The following GALNT13 variants were observed in gnomAD, a reference collection of about 807,000 sequenced individuals.
GALNT13 encodes the protein polypeptide N-acetylgalactosaminyltransferase 13.
In GALNT13, 28 loss-of-function variants were observed where a neutral mutation model predicts 64.2. The ratio of observed to expected loss-of-function variants is 0.44; its 90% confidence interval spans 0.32 to 0.60. GALNT13 has a LOEUF of 0.60. GALNT13 is among the 20% of genes least tolerant of loss of function. GALNT13 has a pLI of 0.05. For synonymous variants in GALNT13, 214 were observed against 224.6 expected, an observed-to-expected ratio of 0.95 and a Z score of 0.42; for missense variants, 577 against 669.8, an observed-to-expected ratio of 0.86 and a Z score of 1.53.
the GALNT13 span, among the ~76,000 whole-genome samples, chr2:153,682,295 G>A: frequency 4.0e-5 from 6 of 151,372 alleles, no homozygotes; most frequent in South Asian, 4.1e-4. Context: ...TGCTGATTTC[G>A]ATTACCCAGA....
chr2:153,490,197 T>A, the GALNT13 span, among the ~76,000 whole-genome samples: 15,716 of 152,232 alleles, frequency 0.1, 904 homozygotes, highest in South Asian at 0.15. Flanking sequence ...TGGATAATAT[T>A]CTAATGGTAT....
chr2:153,622,826 A>G, the GALNT13 span, among the ~76,000 whole-genome samples: 1 of 152,120 alleles, frequency 6.6e-6, no homozygotes, highest in Non-Finnish European at 1.5e-5. Flanking sequence ...TATTGCCAAT[A>G]TTATGATTAC....
the GALNT13 span, among the ~76,000 whole-genome samples, chr2:153,644,806 G>A: frequency 6.6e-6 from 1 of 151,994 alleles, no homozygotes; most frequent in African/African-American, 2.4e-5. Context: ...AGATAGGTCC[G>A]AGCCAATGAT....
At chr2:154,338,593 G>A (rs935923236) in intron 9 of GALNT13, among the ~76,000 whole-genome samples, 5 of 152,090 alleles carry the variant, frequency 3.3e-5, no homozygotes, top group African/African-American at 1.2e-4. Flanking sequence ...TCAGTCAGGA[G>A]GCAGAGGGAG....
At chr2:154,114,477 G>C (rs574743888) in intron 3 of GALNT13, among the ~76,000 whole-genome samples, 2 of 152,310 alleles carry the variant, frequency 1.3e-5, no homozygotes, top group South Asian at 2.1e-4. Flanking sequence ...CTCAGAGCCA[G>C]TGTCCAGTAG....
the GALNT13 span, among the ~76,000 whole-genome samples, chr2:153,840,614 AT>A: frequency 2.6e-5 from 4 of 152,198 alleles, no homozygotes; most frequent in Non-Finnish European, 4.4e-5. Context: ...GAAATGCATT[AT>A]AAAGGCAGAG....
chr2:153,293,198 G>A, the GALNT13 span, among the ~76,000 whole-genome samples: 1 of 151,996 alleles, frequency 6.6e-6, no homozygotes, highest in Admixed American at 6.6e-5. Flanking sequence ...CTGCAAAGTT[G>A]TCATCCCTGA....
the GALNT13 span, among the ~76,000 whole-genome samples, chr2:153,652,963 G>GAT: frequency 6.6e-6 from 1 of 151,836 alleles, no homozygotes; most frequent in Admixed American, 6.6e-5. Flanking sequence ...GGTAGTATAA[G>GAT]ATATATATAC....
At chr2:153,700,077 C>T in the GALNT13 span, among the ~76,000 whole-genome samples, 6 of 152,114 alleles carry the variant, frequency 3.9e-5, no homozygotes, top group South Asian at 1.2e-3. Context: ...TTGATGGATA[C>T]CAACGCAAAA....
chr2:153,320,813 A>G, the GALNT13 span, among the ~76,000 whole-genome samples: 2 of 152,328 alleles, frequency 1.3e-5, no homozygotes, highest in South Asian at 4.1e-4. Context: ...GAGAATGATT[A>G]TAAGTAGCTT....
chr2:154,166,526 G>A (rs946599033), intron 4 of GALNT13, among the ~76,000 whole-genome samples: 1 of 152,222 alleles, frequency 6.6e-6, no homozygotes, highest in Admixed American at 6.5e-5. Flanking sequence ...TACACTGTTG[G>A]TAGGACAGTA....
chr2:153,280,140 C>G, the GALNT13 span, among the ~76,000 whole-genome samples: 8 of 152,010 alleles, frequency 5.3e-5, no homozygotes, highest in African/African-American at 1.9e-4. Flanking sequence ...TCTAGGTTTT[C>G]TAGTTTGTGT....
intron 3 of GALNT13, among the ~76,000 whole-genome samples, chr2:154,078,139 A>G (rs1245408736): frequency 1.3e-5 from 2 of 151,518 alleles, no homozygotes; most frequent in East Asian, 1.9e-4. Flanking sequence ...GTTTAAATTT[A>G]CCAGTATAAG....
At chr2:153,846,336 A>G in the GALNT13 span, among the ~76,000 whole-genome samples, 1 of 152,120 alleles carries the variant, frequency 6.6e-6, no homozygotes, top group African/African-American at 2.4e-5. Flanking sequence ...ATGTTTCCCA[A>G]AATACTGCCA....
At chr2:153,114,234 G>A in the GALNT13 span, among the ~76,000 whole-genome samples, 11 of 152,178 alleles carry the variant, frequency 7.2e-5, no homozygotes, top group Admixed American at 3.9e-4. Context: ...TCGCTTGAAC[G>A]TAAGTTTAGT....
At chr2:153,997,014 C>T (rs1345497780) in intron 3 of GALNT13, among the ~76,000 whole-genome samples, 1 of 152,068 alleles carries the variant, frequency 6.6e-6, no homozygotes, top group Non-Finnish European at 1.5e-5. Context: ...CTTCTCTATT[C>T]TGTTCTGTTG....
intron 3 of GALNT13, among the ~76,000 whole-genome samples, chr2:154,103,523 C>T (rs1020550160): frequency 6.6e-6 from 1 of 152,136 alleles, no homozygotes; most frequent in African/African-American, 2.4e-5. Context: ...CAGCTTGCAT[C>T]ATCATTGGAG....
the GALNT13 span, among the ~76,000 whole-genome samples, chr2:153,126,296 GTATATATATA>G: frequency 9.6e-3 from 1,137 of 118,300 alleles, 17 homozygotes; most frequent in African/African-American, 0.019. Flanking sequence ...TATTGATTTT[GTATATATATA>G]TATATATATA....
intron 9 of GALNT13, among the ~76,000 whole-genome samples, chr2:154,358,739 C>T (rs1696893435): frequency 6.6e-6 from 1 of 152,012 alleles, no homozygotes; most frequent in South Asian, 2.1e-4. Flanking sequence ...ATTTTCTTTG[C>T]ATCATTCCAA....
Sources: gnomAD v4.1 joint callset for allele counts (sites outside exome capture counted in the v4.1 genomes callset) on GRCh38, gnomAD v4.1.1 for gene constraint, MANE v1.5 for transcripts, NCBI Gene and HGNC (gene_info 2026-07-23, HGNC 2026-07-21) for gene names.